Variants in MAGI2 observed in about 807,000 individuals in gnomAD.
MAGI2 encodes membrane associated guanylate kinase, WW and PDZ domain containing 2, also known as membrane-associated guanylate kinase, WW and PDZ domain-containing protein 2.
In MAGI2, 35 loss-of-function variants were observed where a neutral mutation model predicts 133.3. The ratio of observed to expected loss-of-function variants is 0.26; its 90% CI spans 0.20 to 0.35. MAGI2 has a LOEUF of 0.35. Ranked by LOEUF, MAGI2 falls within the 10% of genes least tolerant of loss-of-function variation. The pLI, the probability that MAGI2 is intolerant of heterozygous loss-of-function variation, is 1.00. For missense variants in MAGI2, 1,636 were observed against 1,863.4 expected (o/e 0.88, Z 2.25); for synonymous variants, 729 against 710.6 (o/e 1.03, Z -0.41).
intron 1 of MAGI2, among the ~76,000 whole-genome samples, chr7:79,133,318 C>CT (rs1424114255): frequency 1.3e-5 from 2 of 152,026 alleles, no homozygotes; most frequent in East Asian, 1.9e-4. Context: ...CATGAGCTGA[C>CT]TTTTTTTTAT....
intron 2 of MAGI2, among the ~76,000 whole-genome samples, chr7:78,632,750 A>T (rs1389769647): frequency 6.6e-6 from 1 of 152,200 alleles, no homozygotes; most frequent in African/African-American, 2.4e-5. Context: ...TAAAAGAAGA[A>T]AATGACGAGG....
chr7:78,652,697 G>C (rs1241773700), intron 2 of MAGI2, among the ~76,000 whole-genome samples: 1 of 152,108 alleles, frequency 6.6e-6, no homozygotes, highest in Non-Finnish European at 1.5e-5. Context: ...AGAAAACCTA[G>C]GCAATACCAT....
chr7:79,218,426 A>G (rs922401975), intron 1 of MAGI2, among the ~76,000 whole-genome samples: 1 of 152,084 alleles, frequency 6.6e-6, no homozygotes, highest in Non-Finnish European at 1.5e-5. Context: ...CTCTTTAGCT[A>G]TGTAACCTTT....
At chr7:79,314,588 A>G (rs773458839) in intron 1 of MAGI2, among the ~76,000 whole-genome samples, 1 of 152,284 alleles carries the variant, frequency 6.6e-6, no homozygotes, top group East Asian at 1.9e-4. Flanking sequence ...CTTAAGAAAC[A>G]TTACTCTTTC....
At chr7:78,327,986 C>T (rs1788757133) in intron 9 of MAGI2, among the ~76,000 whole-genome samples, 1 of 152,080 alleles carries the variant, frequency 6.6e-6, no homozygotes, top group Non-Finnish European at 1.5e-5. Context: ...CATGAAAAAT[C>T]AGTTTTGTAC....
rs141555358 is a variant in MAGI2 at position 78,321,899 on chromosome 7, A to G, written c.1408+21879T>C. Among the ~76,000 whole-genome samples, 26 of 152,362 alleles carry G rather than the reference A, an allele frequency of 1.7e-4. 1 individual carries two copies. The East Asian group carries it at 4.8e-3, about 28-fold the overall frequency. ...GACAAAGGGCTAATATCCAGAATCT[A>G]CGAAGAACTAAAACAAATTTACAAG... On this transcript the variant is annotated intron_variant, in intron 9 of 21. Coordinates refer to ENST00000354212, the MANE Select transcript of MAGI2 (RefSeq NM_012301.4).
At chr7:79,310,353 A>T (rs866163805) in intron 1 of MAGI2, among the ~76,000 whole-genome samples, 6 of 152,000 alleles carry the variant, frequency 3.9e-5, no homozygotes, top group Admixed American at 1.3e-4. Context: ...CAACCAAAAG[A>T]GGGAAAGGGA....
intron 9 of MAGI2, among the ~76,000 whole-genome samples, chr7:78,293,570 C>T (rs1796937386): frequency 1.3e-5 from 2 of 152,316 alleles, no homozygotes; most frequent in Admixed American, 1.3e-4. Flanking sequence ...TTTGACCCAG[C>T]CATCCCATTA....
chr7:78,208,262 A>C (rs1787325455), intron 10 of MAGI2, among the ~76,000 whole-genome samples: 1 of 152,016 alleles, frequency 6.6e-6, no homozygotes, highest in Non-Finnish European at 1.5e-5. Context: ...GTTTTCAAAC[A>C]GCCATTTCTC....
At chr7:78,466,485 T>C (rs1178745466) in intron 6 of MAGI2, among the ~76,000 whole-genome samples, 1 of 152,208 alleles carries the variant, frequency 6.6e-6, no homozygotes, top group Non-Finnish European at 1.5e-5. Context: ...ATGCGCCTAA[T>C]TTAAGTGTGT....
At chr7:78,191,038 G>T (rs927048702) in intron 12 of MAGI2, among the ~76,000 whole-genome samples, 3 of 152,196 alleles carry the variant, frequency 2.0e-5, no homozygotes, top group African/African-American at 7.2e-5. Context: ...GGTAGAGATG[G>T]AAGTTGGGGA....
At chr7:78,744,001 C>T (rs945246275) in intron 2 of MAGI2, among the ~76,000 whole-genome samples, 3 of 152,134 alleles carry the variant, frequency 2.0e-5, no homozygotes, top group Non-Finnish European at 4.4e-5. Context: ...ATCTAAAGAG[C>T]ATGAGCCTTC....
At chr7:78,858,347 G>A (rs1467768670) in intron 2 of MAGI2, among the ~76,000 whole-genome samples, 6 of 152,116 alleles carry the variant, frequency 3.9e-5, no homozygotes, top group Middle Eastern at 3.2e-3. Context: ...TGATATTAGC[G>A]TGTCAATTTT....
intron 16 of MAGI2, among the ~76,000 whole-genome samples, chr7:78,138,571 T>C (rs1269358900): frequency 4.6e-5 from 7 of 151,774 alleles, no homozygotes; most frequent in Non-Finnish European, 8.8e-5. Flanking sequence ...TCTATTACTG[T>C]AGATCATTTA....
At chr7:78,877,102 TATCAA>T (rs1795488540) in intron 2 of MAGI2, among the ~76,000 whole-genome samples, 1 of 152,214 alleles carries the variant, frequency 6.6e-6, no homozygotes, top group African/African-American at 2.4e-5. Context: ...CTGTTAACTT[TATCAA>T]ATCTTTGTTT....
At position 79,058,409 on chromosome 7, in the gene MAGI2, T is replaced by C. The variant is rs113365068; in HGVS notation, c.302-51203A>G. ...TAGAGAAGTGTAGGTCCTGAGAAAG[T>C]AGAAAAACATTTTATGGAAGAACAT... On this transcript the variant is annotated intron_variant, in intron 1 of 21. Coordinates refer to ENST00000354212, the MANE Select transcript of MAGI2 (RefSeq NM_012301.4). 5.1e-4 allele frequency among the ~76,000 whole-genome samples: 78 copies of C among 152,010 alleles called. 2 individuals carry two copies. Among genetic ancestry groups the C allele is most frequent in the Middle Eastern group, 6.8e-3 (2 of 294 alleles).
At chr7:78,621,739 G>A (rs1807766007) in intron 3 of MAGI2, among the ~76,000 whole-genome samples, 3 of 151,934 alleles carry the variant, frequency 2.0e-5, no homozygotes, top group African/African-American at 7.2e-5. Context: ...TTTGGAACAA[G>A]GACTTTAAGT....
At chr7:79,187,193 A>C (rs930435709) in intron 1 of MAGI2, among the ~76,000 whole-genome samples, 2 of 151,860 alleles carry the variant, frequency 1.3e-5, no homozygotes, top group East Asian at 3.9e-4. Context: ...ATGACTTTAA[A>C]ATGTATATAA....
intron 1 of MAGI2, among the ~76,000 whole-genome samples, chr7:79,234,719 C>A (rs1831715870): frequency 6.7e-6 from 1 of 150,108 alleles, no homozygotes. Context: ...AAGTTTTCAA[C>A]TTCTTTGCCT....
Sources: allele counts gnomAD v4.1 joint callset (sites outside exome capture counted in the v4.1 genomes callset), GRCh38; gene constraint gnomAD v4.1.1; transcripts MANE v1.5; gene names NCBI Gene and HGNC (gene_info 2026-07-23, HGNC 2026-07-21).